Variants in ANKRD26 observed in about 807,000 individuals in gnomAD.
ANKRD26 encodes the protein ankyrin repeat domain-containing protein 26.
In ANKRD26, 141 loss-of-function variants were observed where a neutral mutation model predicts 208.7. That is an observed-to-expected ratio of 0.68 (90% CI 0.59 to 0.78). ANKRD26 has a LOEUF of 0.78. Ranked by LOEUF, ANKRD26 falls within the 30% of genes least tolerant of loss-of-function variation. The pLI, the probability that ANKRD26 is intolerant of heterozygous loss-of-function variation, is 0.00. For missense variants in ANKRD26, 1,889 were observed against 1,938.7 expected (o/e 0.97, Z 0.48); for synonymous variants, 636 against 660.4 (o/e 0.96, Z 0.57).
chr10:26,947,706 G>C, the ANKRD26 span, among the ~76,000 whole-genome samples: 1 of 152,186 alleles, frequency 6.6e-6, no homozygotes, highest in Non-Finnish European at 1.5e-5. Context: ...CATTTGGAAA[G>C]ATTGCAAATC....
chr10:27,051,860 A>T, intron 16 of ANKRD26: 1 of 985,350 alleles, frequency 1.0e-6, no homozygotes, highest in Non-Finnish European at 1.2e-6. Flanking sequence ...GAGAAGCAGT[A>T]ATTTTGTATT....
downstream of ANKRD26, among the ~76,000 whole-genome samples, chr10:26,990,766 T>C (rs80230234): frequency 0.031 from 4,714 of 152,228 alleles, 183 homozygotes; most frequent in African/African-American, 0.088. Flanking sequence ...TCAAATATGA[T>C]AGAAGAAAGA....
the ANKRD26 span, among the ~76,000 whole-genome samples, chr10:26,967,227 A>C: frequency 6.6e-6 from 1 of 152,216 alleles, no homozygotes; most frequent in Non-Finnish European, 1.5e-5. Flanking sequence ...ATCCGAGTTC[A>C]CATCCTCCCA....
At chr10:27,054,863 T>C (rs1243906124) in intron 15 of ANKRD26, among the ~76,000 whole-genome samples, 2 of 152,176 alleles carry the variant, frequency 1.3e-5, no homozygotes, top group African/African-American at 4.8e-5. Context: ...AGTCAGATGA[T>C]GAAAGCCTTA....
intron 9 of ANKRD26, 138 bp downstream of exon 9, chr10:27,077,200 G>C: frequency 1.4e-6 from 1 of 739,520 alleles, no homozygotes. Flanking sequence ...TTCAACATAT[G>C]CAAGTCTTAA....
intron 15 of ANKRD26, among the ~76,000 whole-genome samples, chr10:27,058,529 T>C (rs2054923117): frequency 6.6e-6 from 1 of 152,088 alleles, no homozygotes; most frequent in Admixed American, 6.6e-5. Flanking sequence ...TAAAAATCAC[T>C]TTTCTCCTCA....
chr10:27,042,890 C>T (rs1217530668), intron 20 of ANKRD26, among the ~76,000 whole-genome samples: 2 of 145,814 alleles, frequency 1.4e-5, no homozygotes, highest in African/African-American at 2.5e-5. Flanking sequence ...CGCTTGAACC[C>T]GGGAGGTGGA....
chr10:27,050,627 A>G (rs1462507536), intron 16 of ANKRD26, among the ~76,000 whole-genome samples: 2 of 152,206 alleles, frequency 1.3e-5, no homozygotes, highest in African/African-American at 4.8e-5. Context: ...ACTCAGGGCT[A>G]GATATATTTT....
chr10:26,970,042 A>C (rs1284711159), downstream of ANKRD26, among the ~76,000 whole-genome samples: 4 of 151,486 alleles, frequency 2.6e-5, no homozygotes, highest in Non-Finnish European at 4.4e-5. Flanking sequence ...GGCTGGTCTC[A>C]AACTCCTGAC....
chr10:26,990,891 GAATA>G (rs1321892967), downstream of ANKRD26, among the ~76,000 whole-genome samples: 1 of 152,108 alleles, frequency 6.6e-6, no homozygotes, highest in Non-Finnish European at 1.5e-5. Context: ...GAGAAATGAA[GAATA>G]AACTAACGTT....
Position 27,077,489 on chromosome 10 carries a change from T to C in ANKRD26, c.926A>G (p.Asp309Gly), listed in dbSNP as rs975797212. Residue 309 changes from aspartate (D) to glycine (G), a missense_variant, in exon 9 of 34, where the codon GAT becomes GGT. Around this residue, in one of 3 missense-constraint regions of ANKRD26, gnomAD observed 1,272 missense variants for 1,273.8 expected, o/e 1.00. Coordinates refer to ENST00000376087, the MANE Select transcript of ANKRD26 (RefSeq NM_014915.3). ...TTCATCTTGACTATCGGAATCTCTA[T>C]CCTCAAACAAAGTTCTATTTCCTGT... is the stretch of plus-strand genomic sequence containing the variant. ...VRTGNRTLFEDRDSDSQDEVV... is the reference protein window; with the variant it reads ...VRTGNRTLFEGRDSDSQDEVV... The C allele has an allele frequency of 3.1e-6, 5 of 1,614,014 alleles. No homozygotes were observed. In the African/African-American group the frequency reaches 5.3e-5, roughly 17 times the overall value.
intron 20 of ANKRD26, among the ~76,000 whole-genome samples, chr10:27,041,724 A>G (rs2054245539): frequency 6.6e-6 from 1 of 152,156 alleles, no homozygotes; most frequent in Non-Finnish European, 1.5e-5. Context: ...TGAGACATCA[A>G]TGAACTACGG....
downstream of ANKRD26, among the ~76,000 whole-genome samples, chr10:26,987,839 A>G (rs191679052): frequency 2.1e-3 from 316 of 152,336 alleles, no homozygotes; most frequent in South Asian, 8.9e-3. Flanking sequence ...ACGTAATAAT[A>G]TCTTCAACAG....
chr10:27,065,539 T>C (rs2055206921), intron 11 of ANKRD26, among the ~76,000 whole-genome samples: 1 of 152,080 alleles, frequency 6.6e-6, no homozygotes, highest in South Asian at 2.1e-4. Flanking sequence ...TTACAAAAAG[T>C]ACCCTGAATA....
intron 1 of ANKRD26, among the ~76,000 whole-genome samples, chr10:27,097,241 C>T (rs939457541): frequency 1.3e-5 from 2 of 150,910 alleles, no homozygotes; most frequent in Non-Finnish European, 2.9e-5. Flanking sequence ...TTTGGGAGGC[C>T]GAGGTGGGCA....
intron 15 of ANKRD26, among the ~76,000 whole-genome samples, chr10:27,058,922 G>GTT (rs35286224): frequency 7.0e-6 from 1 of 143,000 alleles, no homozygotes; most frequent in Non-Finnish European, 1.5e-5. Context: ...TTGTTTTTTT[G>GTT]TTTTTTTTTT....
In ANKRD26 at chr10:27,100,316, ATCT is replaced by A. The variant is rs750106582; in HGVS notation, c.8_10del (p.Lys3del). The stretch of plus-strand genomic sequence containing the variant: ...GGGCGACTCGCCCTTCTTACTAAAA[ATCT>A]TCTTCATGGCCCAGGCGACCGGGCT... On this transcript the variant is annotated inframe_deletion, in exon 1 of 34. Coordinates refer to ENST00000376087, the MANE Select transcript of ANKRD26 (RefSeq NM_014915.3). The A allele has an allele frequency of 1.8e-5, 29 of 1,607,990 alleles. No homozygotes were observed. Among genetic ancestry groups the A allele is most frequent in the Non-Finnish European group, 2.1e-5 (25 of 1,179,770 alleles).
chr10:26,969,898 G>A (rs999164537), downstream of ANKRD26, among the ~76,000 whole-genome samples: 7 of 150,754 alleles, frequency 4.6e-5, no homozygotes, highest in Non-Finnish European at 1.0e-4. Flanking sequence ...GCCGTGATGC[G>A]ATCTCGGCTC....
rs369544446 is a variant in ANKRD26, at chr10:27,086,487, T to G, written c.709+52A>C. 3.8e-6 allele frequency: 6 copies of G among 1,591,796 alleles called. No homozygotes were observed. The African/African-American group carries it at 8.0e-5, about 21-fold the overall frequency. On this transcript the variant is annotated intron_variant, in intron 5 of 33. Coordinates refer to ENST00000376087, the MANE Select transcript of ANKRD26 (RefSeq NM_014915.3). ...GTGATCAACACTTCCTTACTTTTAC[T>G]TTTTTATCCATGGTACTATTACCAA...
Sources: gnomAD v4.1 joint callset for allele counts (sites outside exome capture counted in the v4.1 genomes callset) on GRCh38, gnomAD v4.1.1 for gene constraint, gnomAD v4.1.1 regional missense constraint, MANE v1.5 for transcripts, NCBI Gene and HGNC (gene_info 2026-07-23, HGNC 2026-07-21) for gene names.